Variants in CCDC30 observed in about 807,000 individuals in gnomAD.
The protein encoded by CCDC30 is coiled-coil domain containing 30.
A neutral mutation model predicts 100.2 loss-of-function variants in CCDC30; 70 were observed. The observed-to-expected ratio is 0.70, with a 90% CI of 0.58 to 0.85. The LOEUF (loss-of-function observed/expected upper bound fraction) is 0.85, where lower values mean the gene tolerates loss of function less well. Ranked by LOEUF, CCDC30 falls within the 40% of genes least tolerant of loss-of-function variation. The pLI is 0.00. For synonymous variants in CCDC30, 233 were observed against 269.5 expected (o/e 0.86, Z 1.33); for missense variants, 652 against 771.2 (o/e 0.85, Z 1.83).
intron 6 of CCDC30, among the ~76,000 whole-genome samples, chr1:42,554,250 A>G (rs1245827072): frequency 6.6e-6 from 1 of 150,966 alleles, no homozygotes. Flanking sequence ...GCAATTATTC[A>G]AAGATTATGG....
upstream of CCDC30, chr1:42,459,528 C>T: frequency 8.1e-7 from 1 of 1,240,762 alleles, no homozygotes. Context: ...AATTTAATTC[C>T]TTAGTTTCCC....
At chr1:42,539,179 CA>C (rs1644965279) in intron 6 of CCDC30, 1 of 1,577,138 alleles carries the variant, frequency 6.3e-7, no homozygotes, top group Non-Finnish European at 8.6e-7. Flanking sequence ...TCAGGAATTG[CA>C]AAAATCAAAG....
At position 42,646,142 on chromosome 1, in the gene CCDC30, A is replaced by AG. The variant is rs1317410832; in HGVS notation, c.1681dup (p.Glu561GlyfsTer10). On this transcript the variant is annotated frameshift_variant, in exon 15 of 17. Transcript: ENST00000668663. LOFTEE classifies it high-confidence loss of function. Reference sequence around the variant, plus strand: ...AATTGTTTTTAAACTTAGAATCTTAAGGAGTTTCCTGTTCCAAAATGGTGG... The same window carrying AG: ...AATTGTTTTTAAACTTAGAATCTTAAGGGAGTTTCCTGTTCCAAAATGGTGG... 3.8e-6 allele frequency: 6 copies of AG among 1,584,008 alleles called. No homozygotes were observed. Among genetic ancestry groups the AG allele is most frequent in the Admixed American group, 3.8e-5 (2 of 52,090 alleles).
At chr1:42,581,394 A>T in exon 9 of CCDC30, 1 of 1,611,850 alleles carries the variant, frequency 6.2e-7, no homozygotes, top group Non-Finnish European at 8.5e-7. Context: ...GAACATGCTC[A>T]TAAAGTCTGT....
intron 11 of CCDC30, among the ~76,000 whole-genome samples, chr1:42,629,807 G>C (rs370971216): frequency 1.3e-3 from 190 of 151,270 alleles, no homozygotes; most frequent in African/African-American, 4.2e-3. Context: ...GTAGACATGG[G>C]GTTTCACCAT....
intron 10 of CCDC30, among the ~76,000 whole-genome samples, chr1:42,608,657 ATCGCGCC>A (rs1646555071): frequency 6.8e-6 from 1 of 146,466 alleles, no homozygotes; most frequent in Non-Finnish European, 1.5e-5. Flanking sequence ...GTGAGCCGAG[ATCGCGCC>A]ACTGCCCTCC....
intron 6 of CCDC30, among the ~76,000 whole-genome samples, chr1:42,552,261 TATCCTGGAGAGCACTGCTC>T (rs1557847651): frequency 6.6e-6 from 1 of 152,216 alleles, no homozygotes. Flanking sequence ...CCCAGAATTG[TATCCTGGAGAGCACTGCTC>T]ATTCCTTCCA....
At chr1:42,506,738 A>G (rs1440604664) in intron 6 of CCDC30, among the ~76,000 whole-genome samples, 1 of 152,176 alleles carries the variant, frequency 6.6e-6, no homozygotes, top group African/African-American at 2.4e-5. Context: ...TGAAACTTGA[A>G]GTTTGATTTT....
intron 6 of CCDC30, among the ~76,000 whole-genome samples, chr1:42,553,994 A>G (rs1645313163): frequency 6.7e-6 from 1 of 148,196 alleles, no homozygotes; most frequent in Admixed American, 6.8e-5. Flanking sequence ...ACATTTTCCC[A>G]TAGTATATAT....
chr1:42,556,604 G>A (rs116141313), intron 6 of CCDC30, among the ~76,000 whole-genome samples, 199 bp downstream of exon 10: 252 of 152,052 alleles, frequency 1.7e-3, no homozygotes, highest in African/African-American at 4.8e-3. Context: ...ATGGAGAATG[G>A]GGCATCCATC....
At chr1:42,645,984 A>G in intron 14 of CCDC30, 151 bp from the exon 19 acceptor site, 1 of 1,078,392 alleles carries the variant, frequency 9.3e-7, no homozygotes, top group Non-Finnish European at 1.3e-6. Flanking sequence ...TTTGCGATCC[A>G]TATTGTTAAC....
chr1:42,539,747 A>T (rs976724652), intron 6 of CCDC30, among the ~76,000 whole-genome samples: 1 of 152,216 alleles, frequency 6.6e-6, no homozygotes, highest in Non-Finnish European at 1.5e-5. Flanking sequence ...GCTTAGAATT[A>T]GGAAAATGTT....
chr1:42,545,867 G>A (rs114258063), intron 6 of CCDC30, among the ~76,000 whole-genome samples: 2,255 of 151,504 alleles, frequency 0.015, 25 homozygotes, highest in African/African-American at 0.026. Flanking sequence ...TTGCTTGAGC[G>A]TGGGAGGTGG....
rs1031360157 is a variant in CCDC30, at chr1:42,468,929, A to G, written c.-92+5031A>G. 4.3e-4 allele frequency among the ~76,000 whole-genome samples: 65 copies of G among 152,012 alleles called. 1 individual carries two copies. Among genetic ancestry groups the G allele is most frequent in the Admixed American group, 2.7e-3 (41 of 15,266 alleles). ...CCTGGAAATGGCAGCATTTGAAGGG[A>G]TGGAAGAGGAGGAACCCAGGAAGCA... On this transcript the variant is annotated intron_variant, in intron 1 of 16. Coordinates refer to ENST00000668663, the Ensembl canonical transcript of CCDC30.
chr1:42,641,384 T>G (rs1180344461), intron 12 of CCDC30, among the ~76,000 whole-genome samples: 52 of 151,780 alleles, frequency 3.4e-4, no homozygotes, highest in Admixed American at 3.4e-3. Flanking sequence ...GGCATCTGAC[T>G]CTACAAAAAA....
chr1:42,471,954 C>A (rs1438763474), intron 1 of CCDC30, among the ~76,000 whole-genome samples: 4 of 152,108 alleles, frequency 2.6e-5, no homozygotes, highest in Non-Finnish European at 1.5e-5. Flanking sequence ...TCTGTCACTG[C>A]AATTTGGGTC....
intron 1 of CCDC30, among the ~76,000 whole-genome samples, chr1:42,469,261 A>C (rs1643687723): frequency 6.6e-6 from 1 of 152,222 alleles, no homozygotes. Flanking sequence ...ACATTTCTGT[A>C]GTCCTAGCTC....
chr1:42,539,060 A>G (rs1232448298), intron 6 of CCDC30, 113 bp from the exon 8 acceptor site: 1 of 845,656 alleles, frequency 1.2e-6, no homozygotes, highest in African/African-American at 1.8e-5. Context: ...TGGAATATTT[A>G]AAACAAAAAA....
intron 6 of CCDC30, among the ~76,000 whole-genome samples, chr1:42,541,091 A>G (rs1009549266): frequency 3.9e-5 from 6 of 152,344 alleles, no homozygotes; most frequent in South Asian, 2.1e-4. Flanking sequence ...GGTAGATTAA[A>G]CAACAAATAT....
Sources: gnomAD v4.1 joint callset for allele counts (sites outside exome capture counted in the v4.1 genomes callset) on GRCh38, gnomAD v4.1.1 for gene constraint, MANE v1.5 for transcripts, NCBI Gene and HGNC (gene_info 2026-07-23, HGNC 2026-07-21) for gene names.